AKAP13: variants seen among roughly 807,000 people sequenced by gnomAD.
AKAP13 encodes the protein A-kinase anchoring protein 13.
A neutral mutation model predicts 264.5 loss-of-function variants in AKAP13; 80 were observed. The observed-to-expected ratio is 0.30, with a 90% CI of 0.25 to 0.36. The LOEUF (loss-of-function observed/expected upper bound fraction) is 0.36. AKAP13 is among the 10% of genes least tolerant of loss of function. AKAP13 has a pLI of 1.00. For missense variants in AKAP13, 3,712 were observed against 3,435.2 expected, an observed-to-expected ratio of 1.08 and a Z score of -2.01; for synonymous variants, 1,380 against 1,250.2, an observed-to-expected ratio of 1.10 and a Z score of -2.19.
Position 85,599,253 on chromosome 15 carries a change from A to G in AKAP13, c.4161+13430A>G, listed in dbSNP as rs190403705. ...TGCAGTGGCTGTTGCAGCTGAACGC[A>G]TTAAAAGGAGTACCTGCAAGCTGTG... On this transcript the variant is annotated intron_variant, in intron 8 of 36. Coordinates refer to ENST00000394518, the MANE Select transcript of AKAP13 (RefSeq NM_007200.5). 1.9e-3 allele frequency among the ~76,000 whole-genome samples: 287 copies of G among 152,374 alleles called. 1 individual carries two copies. Among genetic ancestry groups the G allele is most frequent in the Admixed American group, 5.4e-3 (82 of 15,306 alleles).
At position 85,581,582 on chromosome 15, in the gene AKAP13, G is replaced by T. The variant is rs765390622; in HGVS notation, c.3514G>T (p.Gly1172Cys). The change falls in exon 7 of 37, where the codon GGT becomes TGT. Residue 1172 changes from glycine (G) to cysteine (C), a missense_variant. Gly to Cys is a radical substitution (Grantham distance 159). This residue lies in a region of AKAP13 where 2,759 missense variants were observed against 2,411.7 expected (regional missense o/e 1.14). Coordinates refer to ENST00000394518, the MANE Select transcript of AKAP13 (RefSeq NM_007200.5). ...GGGAGCAGACCACAGCTGTACCATG[G>T]GTGACGCTGAGGAAGCCCAAATAGA... Reference protein sequence around the residue: ...LEGADHSCTMGDAEEAQIDDE... With the variant: ...LEGADHSCTMCDAEEAQIDDE... The T allele has an allele frequency of 2.5e-6, 4 of 1,614,134 alleles. No homozygotes were observed. The South Asian group carries it at 4.4e-5, about 18-fold the overall frequency.
intron 5 of AKAP13, among the ~76,000 whole-genome samples, chr15:85,564,321 T>C (rs571613863): frequency 1.3e-5 from 2 of 152,214 alleles, no homozygotes; most frequent in Non-Finnish European, 2.9e-5. Flanking sequence ...ATTCTTAACA[T>C]TGGTTACATT....
In AKAP13 at chr15:85,621,021, A is replaced by T. The variant is rs184877498; in HGVS notation, c.4162-18353A>T. Among the ~76,000 whole-genome samples, 489 of 152,364 alleles carry T rather than the reference A, an allele frequency of 3.2e-3. 7 individuals are homozygous for T. The highest frequency in any genetic ancestry group is 0.011 in the African/African-American group (455 of 41,588). On this transcript the variant is annotated intron_variant, in intron 8 of 36. Coordinates refer to ENST00000394518, the MANE Select transcript of AKAP13 (RefSeq NM_007200.5). ...CAAGCATTTCATAGATGACAGAAAG[A>T]ACCTCAGTAACTGAACTTGTGAGGG...
chr15:85,578,094 G>T (rs1377738663), intron 6 of AKAP13, among the ~76,000 whole-genome samples: 2 of 152,278 alleles, frequency 1.3e-5, no homozygotes, highest in East Asian at 3.9e-4. Context: ...AACAGCCTGG[G>T]CAACATAGTG....
In AKAP13 at chr15:85,533,572, T is replaced by C; in HGVS notation, c.182-12T>C. 1 of 1,590,136 alleles carries C rather than the reference T, an allele frequency of 6.3e-7. No homozygotes were observed. On this transcript the variant is annotated splice_polypyrimidine_tract_variant and intron_variant, in intron 3 of 36. Transcript: ENST00000394518. Reference sequence around the variant, plus strand: ...CTAATACTGTTTTATTTGCTGCCTGTGTTTCCTTTAGGTCATGATTGTTGT... The same window carrying C: ...CTAATACTGTTTTATTTGCTGCCTGCGTTTCCTTTAGGTCATGATTGTTGT...
chr15:85,477,811 C>A (rs188631755), intron 1 of AKAP13, among the ~76,000 whole-genome samples: 1 of 152,092 alleles, frequency 6.6e-6, no homozygotes, highest in Admixed American at 6.5e-5. Context: ...CTTCTCTCTC[C>A]CTGCCTCTGT....
intron 1 of AKAP13, among the ~76,000 whole-genome samples, chr15:85,416,418 C>G (rs1287443530): frequency 6.6e-6 from 1 of 152,098 alleles, no homozygotes; most frequent in African/African-American, 2.4e-5. Context: ...TTTTTCCTCC[C>G]TGCTGGTAAG....
chr15:85,406,540 A>G (rs1319953879), intron 1 of AKAP13, among the ~76,000 whole-genome samples: 6 of 150,978 alleles, frequency 4.0e-5, no homozygotes, highest in African/African-American at 1.2e-4. Context: ...GGTTGTACCT[A>G]TAATTGGGGA....
intron 14 of AKAP13, among the ~76,000 whole-genome samples, chr15:85,680,710 T>G (rs966930435): frequency 2.6e-5 from 4 of 152,158 alleles, no homozygotes; most frequent in Admixed American, 2.0e-4. Context: ...AAAAAAAATT[T>G]GTAACAATAA....
chr15:85,546,903 C>T (rs995467898), intron 5 of AKAP13, among the ~76,000 whole-genome samples: 9 of 152,014 alleles, frequency 5.9e-5, no homozygotes, highest in Non-Finnish European at 1.2e-4. Flanking sequence ...GCCACCATGT[C>T]CGGCTAATTT....
At position 85,747,390 on chromosome 15, in the gene AKAP13, G is replaced by T. The variant is rs577420770; in HGVS notation, c.*2713G>T. On this transcript the variant is annotated 3_prime_UTR_variant, in exon 37 of 37. Coordinates refer to ENST00000394518, the MANE Select transcript of AKAP13 (RefSeq NM_007200.5). ...GGTTTCTATCACATGAGAAGGGGTT[G>T]TTTTTTTGGGGTGACTCGGACTGAA... 6.6e-6 allele frequency: 1 copy of T among 152,426 alleles called. No homozygotes were observed. Among genetic ancestry groups the T allele is most frequent in the Non-Finnish European group, 1.5e-5 (1 of 68,014 alleles). 9.4% of individuals were successfully genotyped at this position (152,426 alleles called of 1,614,324 possible).
At position 85,717,318 on chromosome 15, in the gene AKAP13, A is replaced by G. The variant is rs2087008551; in HGVS notation, c.5764A>G (p.Thr1922Ala). 1.9e-6 allele frequency: 3 copies of G among 1,612,708 alleles called. No individual in the cohort carries two copies. Among genetic ancestry groups the G allele is most frequent in the Non-Finnish European group, 2.5e-6 (3 of 1,179,696 alleles). ...TGGCAATGATGAGAACATGTCAAAC[A>G]CCTGGAAATTCCTGTCTCATTCAAC... ...GVGNDENMSN[T>A]WKFLSHSTDS... Residue 1922 changes from threonine (T) to alanine (A), a missense_variant, in exon 21 of 37, where the codon ACC (threonine) becomes GCC (alanine). Physicochemically the swap from Thr to Ala is moderately conservative, Grantham distance 58. Transcript: ENST00000394518.
intron 2 of AKAP13, chr15:85,520,688 C>T (rs745700727): frequency 3.9e-6 from 2 of 518,742 alleles, no homozygotes; most frequent in Non-Finnish European, 7.7e-6. Flanking sequence ...AAAGCAGCCT[C>T]CTATTGAAAT....
At chr15:85,589,658 C>G (rs1246701409) in intron 8 of AKAP13, among the ~76,000 whole-genome samples, 1 of 141,922 alleles carries the variant, frequency 7.0e-6, no homozygotes, top group South Asian at 2.2e-4. Context: ...TGCAGTGAGC[C>G]GAGATCGCAC....
At chr15:85,690,786 A>G (rs570293154) in intron 16 of AKAP13, among the ~76,000 whole-genome samples, 2 of 152,358 alleles carry the variant, frequency 1.3e-5, no homozygotes, top group Admixed American at 1.3e-4. Flanking sequence ...AGTGCAGTGT[A>G]TGAGAGCTGA....
chr15:85,537,871 T>G (rs1376779553), intron 4 of AKAP13, among the ~76,000 whole-genome samples: 1 of 152,252 alleles, frequency 6.6e-6, no homozygotes, highest in East Asian at 1.9e-4. Context: ...TTACAAAAAT[T>G]AATCTTCACT....
intron 1 of AKAP13, among the ~76,000 whole-genome samples, chr15:85,424,809 C>T (rs1020295784): frequency 1.8e-4 from 28 of 152,250 alleles, no homozygotes; most frequent in Admixed American, 1.8e-3. Flanking sequence ...TTCACTTGAA[C>T]ACTTAGAAGC....
At chr15:85,465,049 T>C (rs2074673390) in intron 1 of AKAP13, among the ~76,000 whole-genome samples, 1 of 151,890 alleles carries the variant, frequency 6.6e-6, no homozygotes, top group Non-Finnish European at 1.5e-5. Flanking sequence ...CATGCCATAC[T>C]CCTGCCTCAG....
chr15:85,596,222 CA>C (rs1203686558), intron 8 of AKAP13, among the ~76,000 whole-genome samples: 1 of 152,086 alleles, frequency 6.6e-6, no homozygotes, highest in Non-Finnish European at 1.5e-5. Flanking sequence ...CAGAGTAAGC[CA>C]AAATGTTTAT....
Sources: allele counts gnomAD v4.1 joint callset (sites outside exome capture counted in the v4.1 genomes callset), GRCh38; gene constraint gnomAD v4.1.1; regional missense constraint gnomAD v4.1.1; transcripts MANE v1.5; gene names NCBI Gene and HGNC (gene_info 2026-07-23, HGNC 2026-07-21).